Variants in NEGR1 observed in about 807,000 individuals in gnomAD.
NEGR1 encodes neuronal growth regulator 1.
NEGR1 carries 10 observed loss-of-function variants against 40.9 expected under a neutral mutation model. The observed-to-expected ratio is 0.24, with a 90% CI of 0.15 to 0.42. NEGR1 has a LOEUF of 0.42. Ranked by LOEUF, NEGR1 falls within the 10% of genes least tolerant of loss-of-function variation. The probability of loss-of-function intolerance (pLI) is 1.00; values close to 1 mark genes in which losing one functional copy is unlikely to be tolerated. For synonymous variants in NEGR1, 185 were observed against 166.8 expected, an observed-to-expected ratio of 1.11 and a Z score of -0.84; for missense variants, 352 against 438.9, an observed-to-expected ratio of 0.80 and a Z score of 1.77.
chr1:71,602,111 T>C (rs938213715), intron 5 of NEGR1, among the ~76,000 whole-genome samples: 1 of 152,142 alleles, frequency 6.6e-6, no homozygotes, highest in Non-Finnish European at 1.5e-5. Context: ...AGTCTTTCCC[T>C]AAGGTGCCTT....
chr1:71,685,610 G>T (rs1349023229), intron 4 of NEGR1, among the ~76,000 whole-genome samples: 2 of 152,064 alleles, frequency 1.3e-5, no homozygotes, highest in East Asian at 3.9e-4. Context: ...ATGAGCCACC[G>T]CAGGCCGAGG....
At chr1:72,012,442 G>A (rs899326699) in intron 1 of NEGR1, among the ~76,000 whole-genome samples, 1 of 151,980 alleles carries the variant, frequency 6.6e-6, no homozygotes, top group Non-Finnish European at 1.5e-5. Context: ...TTCTGTTATT[G>A]GTGCCAAAGT....
intron 1 of NEGR1, among the ~76,000 whole-genome samples, chr1:71,980,565 G>C (rs1646345889): frequency 6.6e-6 from 1 of 152,130 alleles, no homozygotes; most frequent in Non-Finnish European, 1.5e-5. Context: ...GGAAAGTTGA[G>C]ATATAAATAT....
intron 2 of NEGR1, among the ~76,000 whole-genome samples, chr1:71,777,189 C>A (rs1412763230): frequency 6.6e-6 from 1 of 152,058 alleles, no homozygotes; most frequent in Non-Finnish European, 1.5e-5. Context: ...GGGTATAAAT[C>A]TCTATTGGCT....
chr1:71,767,336 A>G (rs2101707512), intron 3 of NEGR1, among the ~76,000 whole-genome samples: 1 of 152,308 alleles, frequency 6.6e-6, no homozygotes, highest in Non-Finnish European at 1.5e-5. Context: ...ACTAGAGTAA[A>G]GGTCACTTTT....
At position 71,740,825 on chromosome 1, in the gene NEGR1, G is replaced by A. The variant is rs190407054; in HGVS notation, c.535+35347C>T. ...ACTAGTACTTGCATTGCCTTCATAA[G>A]TAAGGAATGGGGATATTTTAAATAA... On this transcript the variant is annotated intron_variant, in intron 3 of 6. Transcript: ENST00000357731. Among the ~76,000 whole-genome samples, 310 of 152,134 alleles carry A rather than the reference G, an allele frequency of 2.0e-3. 1 individual carries two copies. The highest frequency in any genetic ancestry group is 6.4e-3 in the African/African-American group (266 of 41,498).
intron 1 of NEGR1, among the ~76,000 whole-genome samples, chr1:72,240,140 G>A (rs553241886): frequency 4.4e-4 from 67 of 151,880 alleles, no homozygotes; most frequent in African/African-American, 1.5e-3. Flanking sequence ...TGGTGACATC[G>A]CTAATGCTTA....
At chr1:72,026,597 TC>T (rs1485033209) in intron 1 of NEGR1, among the ~76,000 whole-genome samples, 2 of 152,152 alleles carry the variant, frequency 1.3e-5, no homozygotes, top group African/African-American at 4.8e-5. Flanking sequence ...AATATAGTCT[TC>T]AAGCCACAGT....
intron 5 of NEGR1, among the ~76,000 whole-genome samples, chr1:71,610,240 C>A (rs540825356): frequency 6.6e-6 from 1 of 152,162 alleles, no homozygotes; most frequent in African/African-American, 2.4e-5. Flanking sequence ...GAATTTCATA[C>A]GGTTTAACCT....
chr1:71,862,766 AC>A (rs1316188988), intron 2 of NEGR1, among the ~76,000 whole-genome samples: 2 of 152,232 alleles, frequency 1.3e-5, no homozygotes, highest in South Asian at 2.1e-4. Context: ...AAAACAAACA[AC>A]ACCATTAAAA....
At chr1:71,574,324 T>C (rs767805105) in intron 6 of NEGR1, among the ~76,000 whole-genome samples, 1 of 152,210 alleles carries the variant, frequency 6.6e-6, no homozygotes, top group Non-Finnish European at 1.5e-5. Flanking sequence ...CCCAGGAGTC[T>C]TGTGTTTTCT....
intron 6 of NEGR1, among the ~76,000 whole-genome samples, chr1:71,556,973 A>T (rs539729632): frequency 5.1e-4 from 77 of 151,782 alleles, no homozygotes; most frequent in Non-Finnish European, 9.4e-4. Flanking sequence ...GAATGTGGAG[A>T]TTGCATTTTG....
At chr1:71,824,708 C>T (rs1381455996) in intron 2 of NEGR1, among the ~76,000 whole-genome samples, 2 of 151,896 alleles carry the variant, frequency 1.3e-5, no homozygotes, top group Non-Finnish European at 2.9e-5. Flanking sequence ...GAAGCAAGAA[C>T]TTCTGATTTC....
chr1:72,196,204 C>T (rs892257429), intron 1 of NEGR1, among the ~76,000 whole-genome samples: 63 of 151,940 alleles, frequency 4.1e-4, no homozygotes, highest in African/African-American at 2.2e-4. Flanking sequence ...CAACATGATG[C>T]TCAAAGAAAA....
intron 4 of NEGR1, among the ~76,000 whole-genome samples, chr1:71,685,411 C>T (rs1288036372): frequency 1.3e-5 from 2 of 151,714 alleles, no homozygotes; most frequent in African/African-American, 4.8e-5. Flanking sequence ...CAAACTCCGC[C>T]TCCTGGGTTC....
chr1:72,215,831 C>T (rs1041190304), intron 1 of NEGR1, among the ~76,000 whole-genome samples: 1 of 151,938 alleles, frequency 6.6e-6, no homozygotes, highest in African/African-American at 2.4e-5. Flanking sequence ...ACCAGAAATA[C>T]TATTTGACCA....
chr1:71,865,388 T>C (rs1481176433), intron 2 of NEGR1, among the ~76,000 whole-genome samples: 1 of 152,120 alleles, frequency 6.6e-6, no homozygotes, highest in Admixed American at 6.6e-5. Context: ...TTATACACCA[T>C]GGAATACTAC....
At chr1:71,699,637 A>T (rs534560928) in intron 3 of NEGR1, among the ~76,000 whole-genome samples, 20 of 152,080 alleles carry the variant, frequency 1.3e-4, no homozygotes, top group African/African-American at 4.8e-4. Context: ...AATATAAATT[A>T]AAGTATGAGG....
intron 2 of NEGR1, among the ~76,000 whole-genome samples, chr1:71,888,474 G>A (rs368292369): frequency 2.6e-5 from 4 of 151,896 alleles, no homozygotes; most frequent in East Asian, 2.0e-4. Context: ...CTGGAAAATC[G>A]GGTCACTCCC....
Sources: allele counts gnomAD v4.1 joint callset (sites outside exome capture counted in the v4.1 genomes callset), GRCh38; gene constraint gnomAD v4.1.1; transcripts MANE v1.5; gene names NCBI Gene and HGNC (gene_info 2026-07-23, HGNC 2026-07-21).